Variants in SORCS2 observed in about 807,000 individuals in gnomAD.
The protein encoded by SORCS2 is sortilin related VPS10 domain containing receptor 2.
In SORCS2, 100 loss-of-function variants were observed where a neutral mutation model predicts 141.6. The ratio of observed to expected loss-of-function variants is 0.71; its 90% confidence interval spans 0.60 to 0.83. The LOEUF (loss-of-function observed/expected upper bound fraction) is 0.83. SORCS2 is among the 40% of genes least tolerant of loss of function. SORCS2 has a pLI of 0.00. For synonymous variants in SORCS2, 789 were observed against 676.9 expected, an observed-to-expected ratio of 1.17 and a Z score of -2.57; for missense variants, 1,646 against 1,560.2, an observed-to-expected ratio of 1.05 and a Z score of -0.93.
At chr4:7,382,854 C>T (rs1444066784) in intron 1 of SORCS2, among the ~76,000 whole-genome samples, 2 of 152,118 alleles carry the variant, frequency 1.3e-5, no homozygotes, top group East Asian at 3.9e-4. Context: ...TGGCACAGGG[C>T]TCCGTGCCAG....
chr4:7,532,053 T>A (rs1711702659), intron 3 of SORCS2, among the ~76,000 whole-genome samples: 1 of 152,238 alleles, frequency 6.6e-6, no homozygotes, highest in South Asian at 2.1e-4. Flanking sequence ...GATTTCCATC[T>A]GAGCTCTCCT....
intron 2 of SORCS2, among the ~76,000 whole-genome samples, chr4:7,441,199 G>A (rs1476400294): frequency 2.6e-5 from 4 of 152,188 alleles, no homozygotes; most frequent in East Asian, 1.9e-4. Context: ...AGTGAGGCTA[G>A]AAGGAGTTGT....
At chr4:7,394,036 C>T (rs1724042299) in intron 1 of SORCS2, among the ~76,000 whole-genome samples, 1 of 151,856 alleles carries the variant, frequency 6.6e-6, no homozygotes, top group Non-Finnish European at 1.5e-5. Flanking sequence ...TGGGCGACCT[C>T]CTTGTTTCAG....
In SORCS2 at chr4:7,201,474, G is replaced by A. The variant is rs1208139460; in HGVS notation, c.480+8348G>A. ...GCCCCTCAGATGAGAAGGCAGCCCA[G>A]AGCTTGCGTGGGCCTCTCGGCGTAG... is the stretch of plus-strand genomic sequence containing the variant. On this transcript the variant is annotated intron_variant, in intron 1 of 26. Coordinates refer to ENST00000507866, the MANE Select transcript of SORCS2 (RefSeq NM_020777.3). This position sits in a 1 kb window ranked among gnomAD's most constrained non-coding sequence, Gnocchi z 4.4. Among the ~76,000 whole-genome samples, 1 of 152,238 alleles carries A rather than the reference G, an allele frequency of 6.6e-6. No homozygotes were observed. Among genetic ancestry groups the A allele is most frequent in the Non-Finnish European group, 1.5e-5 (1 of 68,040 alleles).
At chr4:7,208,941 C>A (rs1287312460) in intron 1 of SORCS2, among the ~76,000 whole-genome samples, 1 of 152,192 alleles carries the variant, frequency 6.6e-6, no homozygotes, top group African/African-American at 2.4e-5. Context: ...AGGGCCCCAC[C>A]TTTCCAGCAG....
chr4:7,403,078 A>G (rs1290364328), intron 2 of SORCS2, among the ~76,000 whole-genome samples: 1 of 152,002 alleles, frequency 6.6e-6, no homozygotes, highest in African/African-American at 2.4e-5. Flanking sequence ...GTTTTGCCAT[A>G]CCACATTCAT....
intron 8 of SORCS2, among the ~76,000 whole-genome samples, chr4:7,674,096 C>T (rs1245325096): frequency 6.6e-6 from 1 of 152,164 alleles, no homozygotes; most frequent in Non-Finnish European, 1.5e-5. Context: ...GTGGGCTCTG[C>T]ATCACCCATG....
In SORCS2 at chr4:7,396,396, C is replaced by T. The variant is rs376890923; in HGVS notation, c.548+41C>T. The T allele has an allele frequency of 1.1e-4, 179 of 1,601,092 alleles. No homozygotes were observed. The African/African-American group carries it at 1.8e-3, about 16-fold the overall frequency. On this transcript the variant is annotated intron_variant, in intron 2 of 26. Coordinates refer to ENST00000507866, the MANE Select transcript of SORCS2 (RefSeq NM_020777.3). ...GGCAGGCCTTTCTCTTATGCACCTG[C>T]GTGCCATCTTCCCAGGCTCTCAGCT... is the stretch of plus-strand genomic sequence containing the variant.
rs1711521540 is a variant in SORCS2, at chr4:7,729,672, C to A, written c.3068C>A (p.Pro1023His). 1.2e-6 allele frequency: 2 copies of A among 1,609,274 alleles called. No homozygotes were observed. The highest frequency in any genetic ancestry group is 2.7e-5 in the African/African-American group (2 of 74,920). ...GCCGATCTGTACGTGCTCCTGCCCC[C>A]TCCCAGGCCCACAAGGAAGAGGAGC... ...TLADLYVLLP[P>H]PRPTRKRSLS... The change falls in exon 23 of 27, where the codon CCT (proline) becomes CAT (histidine). Residue 1023 changes from proline (P) to histidine (H), a missense_variant. Physicochemically the swap from Pro to His is moderately conservative, Grantham distance 77. Transcript: ENST00000507866.
intron 2 of SORCS2, among the ~76,000 whole-genome samples, chr4:7,455,546 G>A (rs1483858368): frequency 3.5e-5 from 5 of 142,724 alleles, no homozygotes; most frequent in Admixed American, 1.4e-4. Flanking sequence ...CATGCGCCAC[G>A]TTAGGGTCAG....
chr4:7,406,564 G>T (rs1724982777), intron 2 of SORCS2, among the ~76,000 whole-genome samples: 1 of 151,590 alleles, frequency 6.6e-6, no homozygotes, highest in Non-Finnish European at 1.5e-5. Flanking sequence ...TCGTATTTCT[G>T]TGGTCTCAGT....
chr4:7,308,011 G>T (rs1010707265), intron 1 of SORCS2, among the ~76,000 whole-genome samples: 6 of 152,078 alleles, frequency 3.9e-5, no homozygotes, highest in African/African-American at 1.4e-4. Flanking sequence ...TGGGAGGTAG[G>T]CTCCTGCCCA....
intron 2 of SORCS2, among the ~76,000 whole-genome samples, chr4:7,417,952 G>T (rs1250653845): frequency 6.6e-6 from 1 of 152,170 alleles, no homozygotes; most frequent in Admixed American, 6.5e-5. Context: ...CCAGCAGAAG[G>T]CTAGAGGGGC....
intron 3 of SORCS2, among the ~76,000 whole-genome samples, chr4:7,554,990 T>C (rs1714001524): frequency 6.6e-6 from 1 of 152,126 alleles, no homozygotes; most frequent in African/African-American, 2.4e-5. Context: ...CAGTCGAGGT[T>C]GTGTCTGGAA....
intron 21 of SORCS2, among the ~76,000 whole-genome samples, chr4:7,727,542 T>C (rs1163551734): frequency 6.6e-6 from 1 of 152,110 alleles, no homozygotes; most frequent in Non-Finnish European, 1.5e-5. Flanking sequence ...CAGTTAAATA[T>C]TTAGTTGGAC....
intron 1 of SORCS2, among the ~76,000 whole-genome samples, chr4:7,311,777 T>C (rs1458511568): frequency 6.6e-6 from 1 of 152,252 alleles, no homozygotes. Flanking sequence ...GAATTTTGTA[T>C]ACATGCAGGA....
intron 8 of SORCS2, among the ~76,000 whole-genome samples, chr4:7,671,972 C>G (rs1365692830): frequency 7.2e-6 from 1 of 138,966 alleles, no homozygotes; most frequent in Non-Finnish European, 1.5e-5. Flanking sequence ...GAGATAGAAT[C>G]TCCCTCTGTC....
chr4:7,711,083 G>T (rs187977155), intron 14 of SORCS2, among the ~76,000 whole-genome samples: 192 of 152,308 alleles, frequency 1.3e-3, no homozygotes, highest in African/African-American at 4.3e-3. Flanking sequence ...GGTCCCTGGG[G>T]GGAAGGTCCA....
chr4:7,402,191 T>C lies in SORCS2; in HGVS notation c.548+5836T>C, dbSNP rs146974064. Among the ~76,000 whole-genome samples the C allele has an allele frequency of 7.2e-4, 109 of 152,302 alleles. 1 individual carries two copies. The East Asian group carries it at 0.021, about 29-fold the overall frequency. On this transcript the variant is annotated intron_variant, in intron 2 of 26. Coordinates refer to ENST00000507866, the MANE Select transcript of SORCS2 (RefSeq NM_020777.3). ...CTGTCATCAATGTCAACTTTTTCCATATATGTTTGGAATTGCTCTCTCTCA... is the reference window on the plus strand; with the variant it reads ...CTGTCATCAATGTCAACTTTTTCCACATATGTTTGGAATTGCTCTCTCTCA...
Sources: allele counts gnomAD v4.1 joint callset (sites outside exome capture counted in the v4.1 genomes callset), GRCh38; gene constraint gnomAD v4.1.1; non-coding constraint Gnocchi (gnomAD v3.1); transcripts MANE v1.5; gene names NCBI Gene and HGNC (gene_info 2026-07-23, HGNC 2026-07-21).